The following KIAA1328 variants were observed in gnomAD, a reference collection of about 807,000 sequenced individuals.
The protein encoded by KIAA1328 is KIAA1328, also known as protein hinderin.
In KIAA1328, 52 loss-of-function variants were observed where a neutral mutation model predicts 68.1. That is an observed-to-expected ratio of 0.76 (90% CI 0.61 to 0.96). The LOEUF is 0.96. KIAA1328 is among the 40% of genes least tolerant of loss of function. The pLI is 0.00. For missense variants in KIAA1328, 641 were observed against 677.6 expected, an observed-to-expected ratio of 0.95 and a Z score of 0.60; for synonymous variants, 232 against 239.4, an observed-to-expected ratio of 0.97 and a Z score of 0.28.
intron 5 of KIAA1328, among the ~76,000 whole-genome samples, chr18:36,913,797 G>C (rs1301529379): frequency 6.6e-6 from 1 of 152,184 alleles, no homozygotes; most frequent in Middle Eastern, 3.4e-3. Context: ...CTTTTATTGA[G>C]CCTCTTTCTG....
At chr18:37,140,387 TG>T (rs1220647463) in intron 7 of KIAA1328, among the ~76,000 whole-genome samples, 3 of 152,168 alleles carry the variant, frequency 2.0e-5, no homozygotes, top group Admixed American at 1.3e-4. Flanking sequence ...TTTTAAGGAA[TG>T]CAAATACATA....
chr18:37,051,003 G>C (rs1210539395), intron 6 of KIAA1328, among the ~76,000 whole-genome samples: 1 of 152,094 alleles, frequency 6.6e-6, no homozygotes, highest in East Asian at 1.9e-4. Context: ...ACATGCTTAA[G>C]AGAGGTAAAG....
intron 5 of KIAA1328, among the ~76,000 whole-genome samples, chr18:36,906,359 C>G (rs2151051269): frequency 6.6e-6 from 1 of 152,234 alleles, no homozygotes; most frequent in South Asian, 2.1e-4. Flanking sequence ...CTGCCTTCTC[C>G]CCAAGCCTCA....
intron 6 of KIAA1328, among the ~76,000 whole-genome samples, chr18:37,026,197 C>T (rs949803827): frequency 7.2e-5 from 11 of 152,114 alleles, no homozygotes; most frequent in African/African-American, 2.7e-4. Context: ...TCTGAATAGA[C>T]CAATAACAGG....
At position 37,223,850 on chromosome 18, in the gene KIAA1328, A is replaced by G; in HGVS notation, c.*1623A>G. On this transcript the variant is annotated 3_prime_UTR_variant, in exon 10 of 10. Transcript: ENST00000280020. ...GGGTTTTTTATTCTTTGGAGTAGAA[A>G]AGAATGGAGCCCACTAATATTATAT... 1 of 984,740 alleles carries G rather than the reference A, an allele frequency of 1.0e-6. No individual in the cohort carries two copies. Among genetic ancestry groups the G allele is most frequent in the Non-Finnish European group, 1.2e-6 (1 of 829,336 alleles). 61.0% of individuals were successfully genotyped at this position (984,740 alleles called of 1,614,324 possible).
intron 6 of KIAA1328, among the ~76,000 whole-genome samples, chr18:37,048,366 T>A (rs1340079918): frequency 6.6e-6 from 1 of 152,178 alleles, no homozygotes; most frequent in Non-Finnish European, 1.5e-5. Flanking sequence ...AAATGTGCTA[T>A]CCTTCTTTAT....
intron 4 of KIAA1328, among the ~76,000 whole-genome samples, chr18:36,874,673 C>T (rs2048061430): frequency 6.6e-6 from 1 of 152,134 alleles, no homozygotes; most frequent in Non-Finnish European, 1.5e-5. Flanking sequence ...GGTGCAGAAG[C>T]TCTTTAGTTT....
intron 6 of KIAA1328, among the ~76,000 whole-genome samples, chr18:36,969,747 A>C (rs891053802): frequency 6.6e-6 from 1 of 152,162 alleles, no homozygotes; most frequent in Non-Finnish European, 1.5e-5. Context: ...CGATTCTAAC[A>C]AATTGAAAAG....
intron 8 of KIAA1328, among the ~76,000 whole-genome samples, chr18:37,165,094 C>T (rs1281072617): frequency 1.3e-5 from 2 of 152,110 alleles, no homozygotes; most frequent in Non-Finnish European, 2.9e-5. Flanking sequence ...TATAAGGACA[C>T]CAGTCACTCT....
chr18:36,981,577 C>A (rs1235952943), intron 6 of KIAA1328, among the ~76,000 whole-genome samples: 1 of 151,942 alleles, frequency 6.6e-6, no homozygotes, highest in East Asian at 1.9e-4. Flanking sequence ...ACCAAAGAGA[C>A]ACAAATTGAA....
chr18:36,935,777 A>T (rs2050477737), intron 5 of KIAA1328, among the ~76,000 whole-genome samples: 2 of 152,078 alleles, frequency 1.3e-5, no homozygotes, highest in Non-Finnish European at 2.9e-5. Flanking sequence ...TGCGCATATA[A>T]GGAGTTTGGG....
chr18:36,953,972 A>G (rs1369760958), intron 5 of KIAA1328, among the ~76,000 whole-genome samples: 2 of 139,400 alleles, frequency 1.4e-5, no homozygotes, highest in African/African-American at 2.6e-5. Flanking sequence ...AATCTCCCAT[A>G]TATTGAATTT....
At chr18:36,901,915 A>G (rs2049051733) in intron 5 of KIAA1328, 1 of 152,100 alleles carries the variant, frequency 6.6e-6, no homozygotes, top group South Asian at 2.1e-4. Context: ...AAGAAATATG[A>G]TAAGGATTTT....
intron 6 of KIAA1328, among the ~76,000 whole-genome samples, chr18:36,996,554 A>G (rs1452495965): frequency 1.3e-5 from 2 of 152,166 alleles, no homozygotes; most frequent in African/African-American, 4.8e-5. Flanking sequence ...AGCTCTGAGA[A>G]GATAATGTGA....
chr18:37,019,384 C>T (rs2054261526), intron 6 of KIAA1328, among the ~76,000 whole-genome samples: 1 of 152,176 alleles, frequency 6.6e-6, no homozygotes, highest in South Asian at 2.1e-4. Context: ...TTCTCTGTTG[C>T]CTTAGGCAAT....
intron 6 of KIAA1328, among the ~76,000 whole-genome samples, chr18:37,028,590 C>T (rs956274975): frequency 1.3e-5 from 2 of 151,844 alleles, no homozygotes. Context: ...AATGGATGTC[C>T]TTGTCTTGTT....
intron 8 of KIAA1328, among the ~76,000 whole-genome samples, chr18:37,171,061 T>C (rs913137229): frequency 1.3e-5 from 2 of 152,218 alleles, no homozygotes; most frequent in East Asian, 3.8e-4. Flanking sequence ...CTTTCATAGC[T>C]ATATAAAGTT....
chr18:37,029,800 C>CT (rs960890599), intron 6 of KIAA1328, among the ~76,000 whole-genome samples: 3 of 152,010 alleles, frequency 2.0e-5, no homozygotes, highest in African/African-American at 2.4e-5. Context: ...ATGACCTTTT[C>CT]TTTTTAGAAT....
At chr18:36,854,341 A>G (rs775706648) in intron 4 of KIAA1328, among the ~76,000 whole-genome samples, 3 of 152,212 alleles carry the variant, frequency 2.0e-5, no homozygotes, top group Non-Finnish European at 4.4e-5. Flanking sequence ...AGGCAGCCCT[A>G]ATGAATTAAT....
Sources: gnomAD v4.1 joint callset for allele counts (sites outside exome capture counted in the v4.1 genomes callset) on GRCh38, gnomAD v4.1.1 for gene constraint, MANE v1.5 for transcripts, NCBI Gene and HGNC (gene_info 2026-07-23, HGNC 2026-07-21) for gene names.